The following GRIP1 variants were observed in gnomAD, a reference collection of about 807,000 sequenced individuals.
GRIP1 encodes the protein glutamate receptor-interacting protein 1.
GRIP1 carries 45 observed loss-of-function variants against 129.9 expected under a neutral mutation model. The observed-to-expected ratio is 0.35, with a 90% CI of 0.27 to 0.44. GRIP1 has a LOEUF of 0.44. Among genes scored for constraint, GRIP1 ranks in the 20% least tolerant of loss-of-function variants. The pLI is 1.00. For missense variants in GRIP1, 1,196 were observed against 1,396.8 expected (o/e 0.86, Z 2.29); for synonymous variants, 530 against 520.8 (o/e 1.02, Z -0.24).
chr12:66,655,584 AT>A (rs1193591922), intron 1 of GRIP1, among the ~76,000 whole-genome samples: 1 of 110,910 alleles, frequency 9.0e-6, no homozygotes, highest in East Asian at 2.4e-4. Context: ...ATACACTAAT[AT>A]TTTTTTGCAG....
intron 2 of GRIP1, among the ~76,000 whole-genome samples, chr12:66,582,244 T>C (rs2063417218): frequency 1.4e-5 from 2 of 146,842 alleles, no homozygotes; most frequent in African/African-American, 5.0e-5. Flanking sequence ...TAGGTATTGA[T>C]GGGACGTATC....
At chr12:66,745,378 T>A (rs1216718143) in intron 1 of GRIP1, among the ~76,000 whole-genome samples, 2 of 152,016 alleles carry the variant, frequency 1.3e-5, no homozygotes, top group Non-Finnish European at 1.5e-5. Flanking sequence ...CCACATAGAG[T>A]AAATAATAAG....
chr12:66,927,283 T>A (rs2041312378), intron 1 of GRIP1, among the ~76,000 whole-genome samples: 1 of 152,198 alleles, frequency 6.6e-6, no homozygotes, highest in African/African-American at 2.4e-5. Flanking sequence ...AAATATTACT[T>A]CAATAAGTAT....
At chr12:66,550,439 A>G (rs1372345575) in intron 2 of GRIP1, among the ~76,000 whole-genome samples, 4 of 152,216 alleles carry the variant, frequency 2.6e-5, no homozygotes, top group Non-Finnish European at 4.4e-5. Context: ...TTTGATTGTT[A>G]TGAATATAAG....
At chr12:66,709,967 T>C (rs563150270) in intron 1 of GRIP1, among the ~76,000 whole-genome samples, 1 of 152,108 alleles carries the variant, frequency 6.6e-6, no homozygotes, top group South Asian at 2.1e-4. Flanking sequence ...AATTATATGT[T>C]ATTAGGAAGG....
chr12:67,031,755 A>G (rs774390), intron 1 of GRIP1, among the ~76,000 whole-genome samples: 70,258 of 151,508 alleles, frequency 0.46, 18,891 homozygotes, highest in East Asian at 0.77. Flanking sequence ...ATTCCTACGC[A>G]CTTTGCCTCT....
chr12:66,696,567 A>G (rs2035166558), intron 1 of GRIP1, among the ~76,000 whole-genome samples: 1 of 151,950 alleles, frequency 6.6e-6, no homozygotes, highest in Non-Finnish European at 1.5e-5. Context: ...CGGGCGGATC[A>G]CAAGGTCAGG....
rs559272091 is a variant in GRIP1, at chr12:66,744,273, G to GA, written c.-420+59779dup. The stretch of plus-strand genomic sequence containing the variant: ...ACCAGTACATTTATCTTCTATTCCT[G>GA]AAAAAAAAAGGTTCATTCCTATAAG... On this transcript the variant is annotated intron_variant, in intron 1 of 4. Transcript: ENST00000538373. Among the ~76,000 whole-genome samples the GA allele has an allele frequency of 6.1e-4, 91 of 149,836 alleles. 1 individual carries two copies. The highest frequency in any genetic ancestry group is 1.9e-3 in the African/African-American group (77 of 40,828).
intron 15 of GRIP1, among the ~76,000 whole-genome samples, chr12:66,419,159 G>A (rs926731001): frequency 1.3e-5 from 2 of 152,166 alleles, no homozygotes; most frequent in Non-Finnish European, 2.9e-5. Context: ...AGATGGAACT[G>A]GAGGTCATTA....
chr12:66,560,806 C>T (rs560183525), intron 2 of GRIP1, among the ~76,000 whole-genome samples: 2 of 152,066 alleles, frequency 1.3e-5, no homozygotes, highest in South Asian at 4.2e-4. Flanking sequence ...TCCAGCAATC[C>T]CTAGCAGCAT....
At chr12:66,746,845 C>T (rs745428893) in intron 1 of GRIP1, among the ~76,000 whole-genome samples, 17 of 152,294 alleles carry the variant, frequency 1.1e-4, no homozygotes, top group Non-Finnish European at 1.9e-4. Flanking sequence ...TGACAGTTTA[C>T]AGGAAAGAGT....
At chr12:66,667,098 C>T (rs1173706748) in intron 1 of GRIP1, among the ~76,000 whole-genome samples, 2 of 152,108 alleles carry the variant, frequency 1.3e-5, no homozygotes, top group East Asian at 1.9e-4. Flanking sequence ...GGAGAATTTA[C>T]ACCAATCATT....
intron 1 of GRIP1, among the ~76,000 whole-genome samples, chr12:66,702,564 C>A (rs73128873): frequency 0.081 from 12,292 of 152,104 alleles, 522 homozygotes; most frequent in East Asian, 0.097. Flanking sequence ...AGAGAAGGTA[C>A]ATATCCAATT....
intron 7 of GRIP1, among the ~76,000 whole-genome samples, chr12:66,502,383 A>G (rs768378734): frequency 2.0e-5 from 3 of 152,232 alleles, no homozygotes; most frequent in Non-Finnish European, 4.4e-5. Flanking sequence ...CTAAGCTTCT[A>G]GAAGGAGCTC....
chr12:66,881,760 C>T (rs2040482901), intron 1 of GRIP1, among the ~76,000 whole-genome samples: 1 of 152,070 alleles, frequency 6.6e-6, no homozygotes, highest in Non-Finnish European at 1.5e-5. Flanking sequence ...TCTGAAATCA[C>T]AATATGTGGC....
intron 14 of GRIP1, among the ~76,000 whole-genome samples, chr12:66,429,291 A>C (rs1375762972): frequency 6.6e-6 from 1 of 152,140 alleles, no homozygotes; most frequent in African/African-American, 2.4e-5. Flanking sequence ...AATGAGAAGA[A>C]TCAAGTCCTT....
intron 1 of GRIP1, among the ~76,000 whole-genome samples, chr12:66,686,562 C>G (rs903581513): frequency 6.6e-6 from 1 of 152,222 alleles, no homozygotes; most frequent in South Asian, 2.1e-4. Context: ...TCCAAACTAA[C>G]CTGCTTGCTG....
intron 1 of GRIP1, among the ~76,000 whole-genome samples, chr12:66,942,050 A>G (rs950961782): frequency 6.6e-6 from 1 of 152,230 alleles, no homozygotes; most frequent in African/African-American, 2.4e-5. Flanking sequence ...TTCATAGAAC[A>G]CTTACAGGCA....
At chr12:66,500,022 C>T (rs1349617833) in intron 7 of GRIP1, among the ~76,000 whole-genome samples, 1 of 151,888 alleles carries the variant, frequency 6.6e-6, no homozygotes, top group African/African-American at 2.4e-5. Flanking sequence ...AACAAAAAAC[C>T]CCAAGAAACA....
Sources: allele counts gnomAD v4.1 joint callset (sites outside exome capture counted in the v4.1 genomes callset), GRCh38; gene constraint gnomAD v4.1.1; transcripts MANE v1.5; gene names NCBI Gene and HGNC (gene_info 2026-07-23, HGNC 2026-07-21).